Variants in DNAI3 observed in about 807,000 individuals in gnomAD.
DNAI3 encodes the protein dynein axonemal intermediate chain 3.
In DNAI3, 83 loss-of-function variants were observed where a neutral mutation model predicts 115.5. The ratio of observed to expected loss-of-function variants is 0.72; its 90% CI spans 0.60 to 0.86. The LOEUF (loss-of-function observed/expected upper bound fraction) is 0.86. Ranked by LOEUF, DNAI3 falls within the 40% of genes least tolerant of loss-of-function variation. The probability of loss-of-function intolerance (pLI) is 0.00; values close to 1 mark genes in which losing one functional copy is unlikely to be tolerated. For missense variants in DNAI3, 1,004 were observed against 1,075.8 expected, an observed-to-expected ratio of 0.93 and a Z score of 0.93; for synonymous variants, 320 against 347.0, an observed-to-expected ratio of 0.92 and a Z score of 0.86.
chr1:85,108,017 T>A lies in DNAI3; in HGVS notation c.1554-16T>A. On this transcript the variant is annotated splice_polypyrimidine_tract_variant and intron_variant, in intron 14 of 22. Transcript: ENST00000294664. ...TTGTTTGTACTTAATAAAAAATATA[T>A]ATAAATTTTTTTTAGCACAATATGT... 2.8e-6 allele frequency: 4 copies of A among 1,431,934 alleles called. No individual in the cohort carries two copies. Among genetic ancestry groups the A allele is most frequent in the Non-Finnish European group, 3.6e-6 (4 of 1,098,214 alleles). The allele number at this position is 1,431,934 out of a possible 1,614,324, so 88.7% of individuals were successfully genotyped here. A position where few individuals can be genotyped will look rare whatever the true frequency, so the allele number is the denominator to read the frequency against.
rs1329163037 is a variant in DNAI3, at chr1:85,085,824, G to C, written c.541-7G>C. 1 of 1,612,978 alleles carries C rather than the reference G, an allele frequency of 6.2e-7. No individual in the cohort carries two copies. The highest frequency in any genetic ancestry group is 8.5e-7 in the Non-Finnish European group (1 of 1,179,298). On this transcript the variant is annotated splice_region_variant and splice_polypyrimidine_tract_variant and intron_variant, in intron 6 of 22. Coordinates refer to ENST00000294664, the MANE Select transcript of DNAI3 (RefSeq NM_145172.5). Reference sequence around the variant, plus strand: ...TATGTTACCTTTACTGTTTACATGTGTTACAGATTACATATATGATTTCTC... The same window carrying C: ...TATGTTACCTTTACTGTTTACATGTCTTACAGATTACATATATGATTTCTC...
chr1:85,121,808 C>A lies in DNAI3; in HGVS notation c.1975C>A (p.Leu659Ile), dbSNP rs780788467. The A allele has an allele frequency of 6.2e-7, 1 of 1,614,102 alleles. No homozygotes were observed. Residue 659 changes from leucine (L) to isoleucine (I), a missense_variant, in exon 18 of 23, where the codon CTT becomes ATT. Physicochemically the swap from Leu to Ile is conservative, Grantham distance 5 (BLOSUM62 2). Around this residue, in one of 3 missense-constraint regions of DNAI3, gnomAD observed 429 missense variants for 454.3 expected, o/e 0.94. Coordinates refer to ENST00000294664, the MANE Select transcript of DNAI3 (RefSeq NM_145172.5). The part of the protein sequence containing the change: ...KMEKDPETGR[L>I]MSKKPVSHHT... ...GGAAAAAGACCCTGAAACTGGCCGACTTATGTGTAAGTTTTGTGATTGCCC... is the reference window on the plus strand; with the variant it reads ...GGAAAAAGACCCTGAAACTGGCCGAATTATGTGTAAGTTTTGTGATTGCCC...
intron 17 of DNAI3, among the ~76,000 whole-genome samples, chr1:85,121,472 C>A (rs1021625543): frequency 2.0e-5 from 3 of 152,178 alleles, no homozygotes; most frequent in Admixed American, 6.5e-5. Flanking sequence ...GGATGCCCAG[C>A]GGTTGGGACT....
At chr1:85,127,212 A>G (rs1656173785) in intron 20 of DNAI3, among the ~76,000 whole-genome samples, 1 of 152,208 alleles carries the variant, frequency 6.6e-6, no homozygotes, top group African/African-American at 2.4e-5. Flanking sequence ...TCTTCATAAG[A>G]TAAAATGATT....
In DNAI3 at chr1:85,084,559, C is replaced by T. The variant is rs1225785037; in HGVS notation, c.404C>T (p.Pro135Leu). 1.4e-6 allele frequency: 2 copies of T among 1,455,606 alleles called. No individual in the cohort carries two copies. The highest frequency in any genetic ancestry group is 1.6e-5 in the South Asian group (1 of 60,704). 90.2% of individuals were successfully genotyped at this position (1,455,606 alleles called of 1,614,324 possible). A position where few individuals can be genotyped will look rare whatever the true frequency, so the allele number is the denominator to read the frequency against. ...KENYLNPPEV[P>L]EEQEEYKEHI... ...ATTTTACTTTAGCCCCCAGAAGTAC[C>T]AGAAGAACAAGAAGAATATAAAGAA... The change falls in exon 6 of 23, where the codon CCA becomes CTA. Residue 135 changes from proline (P) to leucine (L), a missense_variant. Around this residue, in one of 3 missense-constraint regions of DNAI3, gnomAD observed 550 missense variants for 568.1 expected, o/e 0.97. Coordinates refer to ENST00000294664, the MANE Select transcript of DNAI3 (RefSeq NM_145172.5).
chr1:85,110,019 A>G, intron 15 of DNAI3, 29 bp from the exon 16 acceptor site: 1 of 1,598,700 alleles, frequency 6.3e-7, no homozygotes, highest in Non-Finnish European at 8.6e-7. Flanking sequence ...ATATGTGGAA[A>G]TAATCTTTGC....
intron 16 of DNAI3, among the ~76,000 whole-genome samples, chr1:85,116,041 G>A (rs978044919): frequency 2.0e-5 from 3 of 152,094 alleles, no homozygotes; most frequent in African/African-American, 4.8e-5. Flanking sequence ...TACTTCTTCC[G>A]TTATTCCTCC....
rs984726765 is a variant in DNAI3, at chr1:85,091,125, A to G, written c.857+893A>G. Among the ~76,000 whole-genome samples the G allele has an allele frequency of 5.9e-5, 9 of 152,288 alleles. No homozygotes were observed. In the East Asian group the frequency reaches 7.7e-4, roughly 13 times the overall value. ...TGCCACTCGCAGGAAGGATGCTATA[A>G]TTTTTGCTATACGGGCAATGAGATA... On this transcript the variant is annotated intron_variant, in intron 8 of 22. Coordinates refer to ENST00000294664, the MANE Select transcript of DNAI3 (RefSeq NM_145172.5).
Position 85,083,900 on chromosome 1 carries a change from T to C in DNAI3, c.391-646T>C, listed in dbSNP as rs913690754. ...TCTACAATAATGGATCTTATAGTCT[T>C]ATTAACTTAACATTCACATAAAAAT... On this transcript the variant is annotated intron_variant, in intron 5 of 22. Coordinates refer to ENST00000294664, the MANE Select transcript of DNAI3 (RefSeq NM_145172.5). 2.0e-5 allele frequency among the ~76,000 whole-genome samples: 3 copies of C among 151,984 alleles called. No individual in the cohort carries two copies. The East Asian group carries it at 5.8e-4, about 29-fold the overall frequency.
chr1:85,086,451 C>T (rs1039014059), intron 7 of DNAI3, among the ~76,000 whole-genome samples: 2 of 152,108 alleles, frequency 1.3e-5, no homozygotes, highest in Non-Finnish European at 2.9e-5. Flanking sequence ...ATCCAGAGCC[C>T]TTAGGATGGC....
chr1:85,088,965 C>A (rs930311180), intron 7 of DNAI3, among the ~76,000 whole-genome samples: 9 of 152,042 alleles, frequency 5.9e-5, no homozygotes, highest in Non-Finnish European at 1.0e-4. Flanking sequence ...GCTATGGATA[C>A]TGACCTAAAC....
chr1:85,097,776 T>C, intron 12 of DNAI3, 121 bp downstream of exon 12: 1 of 842,130 alleles, frequency 1.2e-6, no homozygotes, highest in Non-Finnish European at 1.8e-6. Flanking sequence ...AAAAAAAGAA[T>C]GTTATTTCCC....
chr1:85,098,599 A>G lies in DNAI3; in HGVS notation c.1420A>G (p.Ile474Val), dbSNP rs771665423. 6.2e-7 allele frequency: 1 copy of G among 1,613,688 alleles called. No individual in the cohort carries two copies. Among genetic ancestry groups the G allele is most frequent in the Admixed American group, 1.7e-5 (1 of 60,018 alleles). Residue 474 changes from isoleucine (I) to valine (V), a missense_variant, in exon 13 of 23, where the codon ATA becomes GTA. Physicochemically the swap from Ile to Val is conservative, Grantham distance 29 (BLOSUM62 3). Transcript: ENST00000294664. ...TATCAGACACTGTGCAGTCTCTTCA[A>G]TAGAAAATGGACATAAGAAAGTAAT... ...MYIRHCAVSS[I>V]ENGHKKVITD...
Position 85,126,719 on chromosome 1 carries a change from TG to T in DNAI3, c.2317+5del. ...ATCAAACCCTGGATCTTTTCTTGTA[TG>T]TTAATTCTAACTAAATAAGCTAAGT... On this transcript the variant is annotated splice_donor_5th_base_variant and intron_variant, in intron 20 of 22. Coordinates refer to ENST00000294664, the MANE Select transcript of DNAI3 (RefSeq NM_145172.5). 1 of 1,614,118 alleles carries T rather than the reference TG, an allele frequency of 6.2e-7. No individual in the cohort carries two copies. The highest frequency in any genetic ancestry group is 1.3e-5 in the African/African-American group (1 of 75,062).
rs1654025989 is a variant in DNAI3, at chr1:85,064,368, A to G, written c.-15+1882A>G. ...GGAAAGAAGTGGAAATAGGTATGGA[A>G]GGAAGGAAACAAGAGTATAGACTAA... On this transcript the variant is annotated intron_variant, in intron 1 of 22. Coordinates refer to ENST00000294664, the MANE Select transcript of DNAI3 (RefSeq NM_145172.5). Among the ~76,000 whole-genome samples the G allele has an allele frequency of 2.0e-5, 3 of 152,348 alleles. No homozygotes were observed. The South Asian group carries it at 6.2e-4, about 32-fold the overall frequency.
chr1:85,086,390 C>A (rs924125616), intron 7 of DNAI3, among the ~76,000 whole-genome samples: 1 of 152,124 alleles, frequency 6.6e-6, no homozygotes, highest in Non-Finnish European at 1.5e-5. Context: ...GATGGTGTTA[C>A]TTCATTGTCT....
chr1:85,084,516 C>G, intron 5 of DNAI3, 30 bp from the exon 6 acceptor site: 1 of 1,337,240 alleles, frequency 7.5e-7, no homozygotes, highest in Non-Finnish European at 9.6e-7. Context: ...CTTGGGCATA[C>G]ATTGTAGAAT....
At chr1:85,115,997 A>G (rs1335651070) in intron 16 of DNAI3, among the ~76,000 whole-genome samples, 1 of 152,030 alleles carries the variant, frequency 6.6e-6, no homozygotes, top group African/African-American at 2.4e-5. Flanking sequence ...TGGAGCGCAC[A>G]CTTCTCTTAG....
intron 2 of DNAI3, 94 bp downstream of exon 2, chr1:85,072,099 T>C: frequency 8.2e-7 from 1 of 1,219,420 alleles, no homozygotes; most frequent in Non-Finnish European, 1.2e-6. Context: ...TCAAATGAAA[T>C]AAAATATTTC....
Sources: allele counts gnomAD v4.1 joint callset (sites outside exome capture counted in the v4.1 genomes callset), GRCh38; gene constraint gnomAD v4.1.1; regional missense constraint gnomAD v4.1.1; transcripts MANE v1.5; gene names NCBI Gene and HGNC (gene_info 2026-07-23, HGNC 2026-07-21).